The following PHC3 variants were observed in gnomAD, a reference collection of about 807,000 sequenced individuals.
The protein encoded by PHC3 is polyhomeotic homolog 3.
A neutral mutation model predicts 107.4 loss-of-function variants in PHC3; 13 were observed. That is an observed-to-expected ratio of 0.12 (90% CI 0.08 to 0.19). The LOEUF (loss-of-function observed/expected upper bound fraction) is 0.19. Ranked by LOEUF, PHC3 falls within the 10% of genes least tolerant of loss-of-function variation. The pLI is 1.00. For synonymous variants in PHC3, 456 were observed against 427.4 expected (o/e 1.07, Z -0.83); for missense variants, 992 against 1,210.9 (o/e 0.82, Z 2.68).
At chr3:170,150,992 C>T (rs555308083) in intron 4 of PHC3, among the ~76,000 whole-genome samples, 2 of 152,138 alleles carry the variant, frequency 1.3e-5, no homozygotes, top group South Asian at 2.1e-4. Flanking sequence ...GTGGGCGGAT[C>T]GCAAGGTCAG....
chr3:170,172,022 GAAT>G (rs1280075562), intron 3 of PHC3, among the ~76,000 whole-genome samples: 7 of 152,132 alleles, frequency 4.6e-5, no homozygotes, highest in African/African-American at 1.7e-4. Flanking sequence ...TTATCAGTAG[GAAT>G]AATATGATTG....
In PHC3 at chr3:170,093,532, T is replaced by C. The variant is rs963283576; in HGVS notation, c.*3698A>G. 2.6e-5 allele frequency: 4 copies of C among 152,214 alleles called. No individual in the cohort carries two copies. The highest frequency in any genetic ancestry group is 9.6e-5 in the African/African-American group (4 of 41,456). 9.4% of individuals were successfully genotyped at this position (152,214 alleles called of 1,614,324 possible). On this transcript the variant is annotated 3_prime_UTR_variant, in exon 15 of 15. Coordinates refer to ENST00000495893, the MANE Select transcript of PHC3 (RefSeq NM_024947.4). ...CAGCATCACTCACATACATCTATAA[T>C]AGTGTATTCTTTCAAAAATTGTTTA...
At chr3:170,138,412 C>A (rs148938191) in intron 6 of PHC3, among the ~76,000 whole-genome samples, 1,852 of 152,100 alleles carry the variant, frequency 0.012, 40 homozygotes, top group African/African-American at 0.042. Context: ...AATATACTGA[C>A]TGGGTGTGGT....
intron 8 of PHC3, among the ~76,000 whole-genome samples, chr3:170,125,221 C>T (rs746539884): frequency 1.1e-4 from 17 of 151,904 alleles, no homozygotes; most frequent in East Asian, 5.8e-4. Flanking sequence ...TATACTAGAT[C>T]GGTTCATGAT....
In PHC3 at chr3:170,106,868, C is replaced by T. The variant is rs774386807; in HGVS notation, c.2432G>A (p.Arg811Gln). ...GKMGYANEFL[R>Q]SKRFCTMSCA... ...TGACATAGTGCAGAATCGTTTTGAC[C>T]GCAAAAATTCATTAGCATATCCCAT... is the stretch of plus-strand genomic sequence containing the variant. Residue 811 changes from arginine to glutamine, a missense_variant, in exon 12 of 15, where the codon CGG (arginine) becomes CAG (glutamine). Coordinates refer to ENST00000495893, the MANE Select transcript of PHC3 (RefSeq NM_024947.4). 14 of 1,611,896 alleles carry T rather than the reference C, an allele frequency of 8.7e-6. No homozygotes were observed. Among genetic ancestry groups the T allele is most frequent in the East Asian group, 2.2e-5 (1 of 44,734 alleles).
intron 6 of PHC3, among the ~76,000 whole-genome samples, chr3:170,141,238 T>C (rs900501612): frequency 6.6e-6 from 1 of 152,256 alleles, no homozygotes; most frequent in Admixed American, 6.5e-5. Context: ...ATCACTGGAA[T>C]GCATAAGTGT....
chr3:170,129,566 A>T lies in PHC3; in HGVS notation c.920-14T>A. 6.2e-7 allele frequency: 1 copy of T among 1,602,426 alleles called. No individual in the cohort carries two copies. The highest frequency in any genetic ancestry group is 2.2e-5 in the East Asian group (1 of 44,818). ...GAGAATATGAAGCTGTGAGAGAAAA[A>T]AATGACAATTAGTACTGATTTCAAA... On this transcript the variant is annotated splice_polypyrimidine_tract_variant and intron_variant, in intron 7 of 14. Coordinates refer to ENST00000495893, the MANE Select transcript of PHC3 (RefSeq NM_024947.4).
intron 8 of PHC3, 34 bp from the exon 9 acceptor site, chr3:170,122,778 T>G (rs543535873): frequency 1.3e-6 from 2 of 1,599,532 alleles, no homozygotes; most frequent in African/African-American, 1.3e-5. Flanking sequence ...TTAAAATGTT[T>G]CCAAAACTAT....
chr3:170,102,430 G>A (rs1453145900), intron 14 of PHC3, 49 bp downstream of exon 14: 1 of 1,578,916 alleles, frequency 6.3e-7, no homozygotes, highest in East Asian at 2.3e-5. Context: ...ACATTGCTGT[G>A]TGTGAATGCA....
chr3:170,167,883 G>A (rs1457163965), intron 4 of PHC3, among the ~76,000 whole-genome samples: 1 of 152,048 alleles, frequency 6.6e-6, no homozygotes, highest in East Asian at 1.9e-4. Context: ...AGGTGTAGTG[G>A]CTCATGCCTA....
Position 170,093,571 on chromosome 3 carries a change from T to C in PHC3, c.*3659A>G, listed in dbSNP as rs1020104853. 2 of 152,224 alleles carry C rather than the reference T, an allele frequency of 1.3e-5. No individual in the cohort carries two copies. Among genetic ancestry groups the C allele is most frequent in the East Asian group, 1.9e-4 (1 of 5,196 alleles). The allele number at this position is 152,224 out of a possible 1,614,324, so 9.4% of individuals were successfully genotyped here. A position where few individuals can be genotyped will look rare whatever the true frequency, so the allele number is the denominator to read the frequency against. On this transcript the variant is annotated 3_prime_UTR_variant, in exon 15 of 15. Transcript: ENST00000495893. ...AAAAATTGTTTATACACACTTAATA[T>C]AGGCATATAGCCTAAGACTATATTG...
At chr3:170,158,756 G>A (rs550631886) in intron 4 of PHC3, among the ~76,000 whole-genome samples, 1 of 151,548 alleles carries the variant, frequency 6.6e-6, no homozygotes, top group South Asian at 2.1e-4. Context: ...GCAAGACTTT[G>A]ACACTACAGA....
intron 14 of PHC3, among the ~76,000 whole-genome samples, chr3:170,098,198 A>C (rs912141034): frequency 6.6e-6 from 1 of 152,198 alleles, no homozygotes; most frequent in African/African-American, 2.4e-5. Flanking sequence ...TTTCACATCC[A>C]AATTACTCAA....
rs552263059 is a variant in PHC3 at position 170,179,834 on chromosome 3, C to G, written c.15-896G>C. Among the ~76,000 whole-genome samples the G allele has an allele frequency of 4.3e-4, 66 of 152,194 alleles. No homozygotes were observed. In the South Asian group the frequency reaches 0.014, roughly 32 times the overall value. On this transcript the variant is annotated intron_variant, in intron 1 of 14. Coordinates refer to ENST00000495893, the MANE Select transcript of PHC3 (RefSeq NM_024947.4). ...TCCATATTGTTAGAAACCAGAAGAG[C>G]AGTAGTTTTTGTCGGGCCAGAAATG...
Position 170,117,386 on chromosome 3 carries a change from G to A in PHC3, c.2033C>T (p.Pro678Leu), listed in dbSNP as rs551081955. The A allele has an allele frequency of 1.2e-6, 2 of 1,613,874 alleles. No homozygotes were observed. Among genetic ancestry groups the A allele is most frequent in the South Asian group, 1.1e-5 (1 of 91,084 alleles). The change falls in exon 10 of 15, where the codon CCA becomes CTA. Residue 678 changes from proline (P) to leucine (L), a missense_variant. By Grantham distance (98) the Pro-to-Leu change is moderately conservative. Transcript: ENST00000495893. ...DPSHVSVPPP[P>L]LLLPAATTRS... ...TGTGGTGGCAGCTGGAAGTAACAATGGAGGTGGTGGAACAGAAACATGTGA... is the reference window on the plus strand; with the variant it reads ...TGTGGTGGCAGCTGGAAGTAACAATAGAGGTGGTGGAACAGAAACATGTGA...
Position 170,113,278 on chromosome 3 carries a change from T to A in PHC3, c.2353+82A>T, listed in dbSNP as rs182019574. 5.5e-5 allele frequency: 74 copies of A among 1,341,016 alleles called. No individual in the cohort carries two copies. The Admixed American group carries it at 7.1e-4, about 13-fold the overall frequency. 83.1% of individuals were successfully genotyped at this position (1,341,016 alleles called of 1,614,324 possible). ...GTTGAATACTTCCAGTGAAATTCTG[T>A]ACAGAATAAAAATCCACATCCTGTT... On this transcript the variant is annotated intron_variant, in intron 11 of 14. Coordinates refer to ENST00000495893, the MANE Select transcript of PHC3 (RefSeq NM_024947.4).
chr3:170,145,832 T>TA (rs1281780739), intron 5 of PHC3, among the ~76,000 whole-genome samples: 1 of 152,232 alleles, frequency 6.6e-6, no homozygotes, highest in Admixed American at 6.5e-5. Flanking sequence ...CTATTATAGT[T>TA]AAATTTTTCC....
chr3:170,140,063 AAAT>A lies in PHC3; in HGVS notation c.673-3401_673-3399del, dbSNP rs372511609. ...ATCAATTATTTAACTGGAATCTAACAAATACTATGGCAATTATCATAGTATCCC... is the reference window on the plus strand; with the variant it reads ...ATCAATTATTTAACTGGAATCTAACAACTATGGCAATTATCATAGTATCCC... On this transcript the variant is annotated intron_variant, in intron 6 of 14. Coordinates refer to ENST00000495893, the MANE Select transcript of PHC3 (RefSeq NM_024947.4). Among the ~76,000 whole-genome samples, 208 of 152,098 alleles carry A rather than the reference AAAT, an allele frequency of 1.4e-3. 4 individuals are homozygous for A. In the South Asian group the frequency reaches 0.042, roughly 31 times the overall value.
At position 170,145,438 on chromosome 3, in the gene PHC3, C is replaced by A; in HGVS notation, c.657G>T (p.Gln219His). ...VVSSSSSSSC[Q>H]SAATQVQNLT... ...ACAAGCTCACCTGAGTAGCTGCAGA[C>A]TGACAGGAAGATGACGATGACGACG... The change falls in exon 6 of 15, where the codon CAG becomes CAT. Residue 219 changes from glutamine (Q) to histidine (H), a missense_variant. By Grantham distance (24) the Gln-to-His change is conservative (BLOSUM62 0). Around this residue, in one of 6 missense-constraint regions of PHC3, gnomAD observed 543 missense variants for 590.8 expected, o/e 0.92. Transcript: ENST00000495893. 1 of 1,613,298 alleles carries A rather than the reference C, an allele frequency of 6.2e-7. No individual in the cohort carries two copies. The highest frequency in any genetic ancestry group is 8.5e-7 in the Non-Finnish European group (1 of 1,179,440).
Sources: allele counts gnomAD v4.1 joint callset (sites outside exome capture counted in the v4.1 genomes callset), GRCh38; gene constraint gnomAD v4.1.1; regional missense constraint gnomAD v4.1.1; transcripts MANE v1.5; gene names NCBI Gene and HGNC (gene_info 2026-07-23, HGNC 2026-07-21).